The following EPHX2 variants were observed in gnomAD, a reference collection of about 807,000 sequenced individuals.
EPHX2 encodes the protein epoxide hydrolase 2.
In EPHX2, 74 loss-of-function variants were observed where a neutral mutation model predicts 78.7. The observed-to-expected ratio is 0.94, with a 90% CI of 0.78 to 1.14. The LOEUF (loss-of-function observed/expected upper bound fraction) is 1.14, where lower values mean the gene tolerates loss of function less well. EPHX2 is among the 50% of genes most tolerant of loss of function. EPHX2 has a pLI of 0.00. For missense variants in EPHX2, 715 were observed against 702.5 expected, an observed-to-expected ratio of 1.02 and a Z score of -0.20; for synonymous variants, 251 against 255.2, an observed-to-expected ratio of 0.98 and a Z score of 0.16.
At position 27,544,754 on chromosome 8, in the gene EPHX2, C is replaced by T; in HGVS notation, c.*232C>T. 1 of 564,170 alleles carries T rather than the reference C, an allele frequency of 1.8e-6. No homozygotes were observed. The highest frequency in any genetic ancestry group is 3.0e-5 in the East Asian group (1 of 33,808). 34.9% of individuals were successfully genotyped at this position (564,170 alleles called of 1,614,324 possible). ...TTCTCCAGGCATGAATGCATCGTCCCTTTATCTGTAAGAACCCTTAGTGTC... is the reference window on the plus strand; with the variant it reads ...TTCTCCAGGCATGAATGCATCGTCCTTTTATCTGTAAGAACCCTTAGTGTC... On this transcript the variant is annotated 3_prime_UTR_variant, in exon 19 of 19. Coordinates refer to ENST00000521400, the MANE Select transcript of EPHX2 (RefSeq NM_001979.6).
chr8:27,502,946 C>T (rs1813854481), intron 2 of EPHX2, among the ~76,000 whole-genome samples: 1 of 152,110 alleles, frequency 6.6e-6, no homozygotes, highest in Admixed American at 6.5e-5. Context: ...CAGTTTGGGG[C>T]TTGCTATGGT....
chr8:27,537,089 A>C (rs1815238674), intron 13 of EPHX2, among the ~76,000 whole-genome samples: 1 of 152,222 alleles, frequency 6.6e-6, no homozygotes, highest in Non-Finnish European at 1.5e-5. Flanking sequence ...TACCATTACC[A>C]TTTTAACATG....
chr8:27,538,339 G>T (rs191117108), intron 13 of EPHX2, among the ~76,000 whole-genome samples: 1 of 152,160 alleles, frequency 6.6e-6, no homozygotes, highest in Non-Finnish European at 1.5e-5. Context: ...ATAGGCCAAG[G>T]TCTCTTTTCT....
intron 1 of EPHX2, among the ~76,000 whole-genome samples, chr8:27,500,177 C>T (rs114749043): frequency 0.035 from 5,386 of 152,126 alleles, 260 homozygotes; most frequent in African/African-American, 0.11. Context: ...GGTGGATTTC[C>T]TCCTTGCTGT....
chr8:27,497,515 C>T (rs994486021), intron 1 of EPHX2, among the ~76,000 whole-genome samples: 9 of 152,134 alleles, frequency 5.9e-5, no homozygotes, highest in African/African-American at 2.2e-4. Flanking sequence ...TCCTTTTTGG[C>T]CTGTTCCTCT....
Position 27,515,822 on chromosome 8 carries a change from G to T in EPHX2, c.831+9G>T. ...ATTCTTGGAGGTACCAGGTGAGAAA[G>T]CTGGGGAAGATGCAGCCAGTCAGGG... On this transcript the variant is annotated intron_variant, in intron 7 of 18. Coordinates refer to ENST00000521400, the MANE Select transcript of EPHX2 (RefSeq NM_001979.6). 1 of 1,612,890 alleles carries T rather than the reference G, an allele frequency of 6.2e-7. No individual in the cohort carries two copies. Among genetic ancestry groups the T allele is most frequent in the Non-Finnish European group, 8.5e-7 (1 of 1,179,132 alleles).
chr8:27,514,037 G>T (rs574033145), intron 6 of EPHX2, among the ~76,000 whole-genome samples: 3 of 152,204 alleles, frequency 2.0e-5, no homozygotes, highest in African/African-American at 7.2e-5. Flanking sequence ...TTTCTGTGGG[G>T]CCAGGTGTGG....
At chr8:27,525,703 C>G (rs1404009857) in intron 12 of EPHX2, among the ~76,000 whole-genome samples, 1 of 151,340 alleles carries the variant, frequency 6.6e-6, no homozygotes, top group Non-Finnish European at 1.5e-5. Flanking sequence ...GGATGTTGTA[C>G]CCTGGGGGGA....
At chr8:27,494,380 C>T (rs1184523746) in intron 1 of EPHX2, among the ~76,000 whole-genome samples, 2 of 152,204 alleles carry the variant, frequency 1.3e-5, no homozygotes, top group African/African-American at 2.4e-5. Flanking sequence ...GCCCTGGAAA[C>T]TCCCTGAGTT....
intron 12 of EPHX2, among the ~76,000 whole-genome samples, chr8:27,534,647 A>T (rs1815153208): frequency 6.9e-6 from 1 of 144,714 alleles, no homozygotes; most frequent in South Asian, 2.1e-4. Flanking sequence ...CCATCTAAAA[A>T]AAATAAAAAT....
At chr8:27,512,172 A>G (rs1411665885) in intron 6 of EPHX2, 1 of 434,962 alleles carries the variant, frequency 2.3e-6, no homozygotes, top group Non-Finnish European at 4.2e-6. Context: ...TCCACTATTT[A>G]TAAGGAAATG....
At chr8:27,519,517 C>G (rs1814572207) in intron 9 of EPHX2, among the ~76,000 whole-genome samples, 1 of 152,182 alleles carries the variant, frequency 6.6e-6, no homozygotes, top group South Asian at 2.1e-4. Context: ...TGCTGTCTTA[C>G]AATGGTGATG....
intron 2 of EPHX2, among the ~76,000 whole-genome samples, chr8:27,502,976 G>T (rs374418120): frequency 6.6e-6 from 1 of 152,032 alleles, no homozygotes; most frequent in African/African-American, 2.4e-5. Context: ...TGTGCCCCCC[G>T]CCCAAAATCC....
intron 12 of EPHX2, among the ~76,000 whole-genome samples, chr8:27,531,922 T>C (rs1256044052): frequency 2.0e-5 from 3 of 152,036 alleles, no homozygotes; most frequent in African/African-American, 7.2e-5. Flanking sequence ...CCTGGCAAAT[T>C]AGGTGACTGA....
In EPHX2 at chr8:27,500,095, C is replaced by T. The variant is rs534975165; in HGVS notation, c.102-831C>T. Among the ~76,000 whole-genome samples, 21 of 152,312 alleles carry T rather than the reference C, an allele frequency of 1.4e-4. 1 individual carries two copies. Among genetic ancestry groups the T allele is most frequent in the African/African-American group, 5.1e-4 (21 of 41,552 alleles). Reference sequence around the variant, plus strand: ...GATATGGTTTGAATTTGTGTCCCCACCCAAATCTCCTGTCCAGTTGTAATC... The same window carrying T: ...GATATGGTTTGAATTTGTGTCCCCATCCAAATCTCCTGTCCAGTTGTAATC... On this transcript the variant is annotated intron_variant, in intron 1 of 18. Transcript: ENST00000521400.
At chr8:27,540,331 T>C (rs1815356127) in intron 14 of EPHX2, among the ~76,000 whole-genome samples, 1 of 152,016 alleles carries the variant, frequency 6.6e-6, no homozygotes, top group Non-Finnish European at 1.5e-5. Flanking sequence ...AAGTCGTGGC[T>C]AGGTGGGAGG....
At chr8:27,525,706 T>A (rs72475896) in intron 12 of EPHX2, among the ~76,000 whole-genome samples, 4,372 of 152,094 alleles carry the variant, frequency 0.029, 196 homozygotes, top group African/African-American at 0.099. Flanking sequence ...TGTTGTACCC[T>A]GGGGGGATGG....
intron 8 of EPHX2, among the ~76,000 whole-genome samples, chr8:27,517,191 C>CT (rs1420602293): frequency 1.3e-5 from 2 of 152,072 alleles, no homozygotes; most frequent in Non-Finnish European, 2.9e-5. Context: ...TGTATTTTCT[C>CT]TATTTTTGTT....
chr8:27,511,764 C>T, intron 5 of EPHX2, 72 bp from the exon 6 acceptor site: 2 of 1,495,476 alleles, frequency 1.3e-6, no homozygotes, highest in Non-Finnish European at 1.9e-6. Flanking sequence ...TCCCCTGGCA[C>T]CAGTATTCAG....
Sources: allele counts gnomAD v4.1 joint callset (sites outside exome capture counted in the v4.1 genomes callset), GRCh38; gene constraint gnomAD v4.1.1; transcripts MANE v1.5; gene names NCBI Gene and HGNC (gene_info 2026-07-23, HGNC 2026-07-21).